Variants in C5 observed in about 807,000 individuals in gnomAD.
C5 encodes C3 and PZP-like alpha-2-macroglobulin domain-containing protein 4.
Under a neutral mutation model 218.8 loss-of-function variants are expected in C5, and 140 were observed. The ratio of observed to expected loss-of-function variants is 0.64; its 90% CI spans 0.56 to 0.74. The LOEUF (loss-of-function observed/expected upper bound fraction) is 0.74. Among genes scored for constraint, C5 ranks in the 30% least tolerant of loss-of-function variants. C5 has a pLI of 0.00. For missense variants in C5, 1,700 were observed against 1,969.6 expected, an observed-to-expected ratio of 0.86 and a Z score of 2.59; for synonymous variants, 614 against 682.3, an observed-to-expected ratio of 0.90 and a Z score of 1.56.
intron 21 of C5, among the ~76,000 whole-genome samples, chr9:120,996,658 G>A (rs540498227): frequency 2.6e-5 from 4 of 152,234 alleles, no homozygotes; most frequent in Admixed American, 6.5e-5. Flanking sequence ...CTGTCACACT[G>A]CTAGGAGGTG....
At chr9:121,056,116 GA>G in the C5 span, among the ~76,000 whole-genome samples, 1 of 152,152 alleles carries the variant, frequency 6.6e-6, no homozygotes, top group African/African-American at 2.4e-5. Context: ...TGAATTCTTG[GA>G]AAACCTTCTC....
intron 23 of C5, 94 bp downstream of exon 23, chr9:120,991,097 C>T (rs2047073611): frequency 7.3e-6 from 6 of 824,884 alleles, no homozygotes; most frequent in Admixed American, 1.8e-5. Flanking sequence ...CTACTGAACA[C>T]GGAAGTGGAG....
At position 121,002,318 on chromosome 9, in the gene C5, A is replaced by ATG. The variant is rs1267418858; in HGVS notation, c.2562+3600_2562+3601insCA. 7.3e-3 allele frequency among the ~76,000 whole-genome samples: 449 copies of ATG among 61,890 alleles called. 6 individuals carry two copies. Among genetic ancestry groups the ATG allele is most frequent in the East Asian group, 0.036 (50 of 1,370 alleles). 40.6% of individuals were successfully genotyped at this position (61,890 alleles called of 152,430 possible). ...TATATGTATATATATATGTGTGTGT[A>ATG]TATATATATATATATATATATATAC... is the stretch of plus-strand genomic sequence containing the variant. On this transcript the variant is annotated intron_variant, in intron 20 of 40. Coordinates refer to ENST00000223642, the MANE Select transcript of C5 (RefSeq NM_001735.3).
At chr9:120,980,311 T>C (rs1318812214) in intron 27 of C5, 57 bp from the exon 28 acceptor site, 1 of 1,454,922 alleles carries the variant, frequency 6.9e-7, no homozygotes, top group Admixed American at 1.7e-5. Flanking sequence ...TATCAATTGA[T>C]ATGAACTACC....
chr9:121,033,043 T>C (rs1376367946), intron 5 of C5, among the ~76,000 whole-genome samples: 6 of 151,232 alleles, frequency 4.0e-5, no homozygotes, highest in African/African-American at 1.2e-4. Flanking sequence ...TGTGTGTATG[T>C]ATGTATATAT....
intron 23 of C5, among the ~76,000 whole-genome samples, 160 bp downstream of exon 23, chr9:120,991,031 G>C (rs1192959942): frequency 3.3e-5 from 5 of 152,202 alleles, no homozygotes; most frequent in African/African-American, 9.6e-5. Context: ...GTGATTAAAG[G>C]TTTGAAAGTG....
the C5 span, among the ~76,000 whole-genome samples, chr9:121,071,759 T>C: frequency 1.3e-5 from 2 of 152,216 alleles, no homozygotes; most frequent in African/African-American, 4.8e-5. Flanking sequence ...CATCCCTGTC[T>C]GACAAACTAG....
intron 31 of C5, 42 bp from the exon 32 acceptor site, chr9:120,970,293 G>A: frequency 7.3e-7 from 1 of 1,367,578 alleles, no homozygotes; most frequent in Non-Finnish European, 1.0e-6. Flanking sequence ...TATTTAAAGT[G>A]GGAAAGTGAC....
chr9:120,969,537 A>G (rs1200389473), intron 32 of C5, among the ~76,000 whole-genome samples: 1 of 152,158 alleles, frequency 6.6e-6, no homozygotes, highest in East Asian at 1.9e-4. Context: ...CCTGGAGGCA[A>G]TGGGGAGACC....
chr9:120,967,241 CAG>C (rs2046875426), intron 33 of C5, among the ~76,000 whole-genome samples: 2 of 132,560 alleles, frequency 1.5e-5, no homozygotes, highest in Non-Finnish European at 3.1e-5. Flanking sequence ...GCCTGGGAGA[CAG>C]AGTGAAACTC....
chr9:120,971,816 GTCA>G, intron 31 of C5, 111 bp downstream of exon 31: 2 of 765,932 alleles, frequency 2.6e-6, no homozygotes, highest in Non-Finnish European at 4.6e-6. Context: ...TCCCACTTTA[GTCA>G]TGGTTACCCA....
chr9:120,991,206 T>C lies in C5; in HGVS notation c.2926A>G (p.Ile976Val), dbSNP rs770696995. ...GTTAATTTACCTTTTACACTCAAAA[T>C]CCTTTTGATTTCTGTTTTGGGGACC... ...DLVPKTEIKR[I>V]LSVKGLLVGE... The change falls in exon 23 of 41, where the codon ATT (isoleucine) becomes GTT (valine). Residue 976 changes from isoleucine to valine, a missense_variant. Coordinates refer to ENST00000223642, the MANE Select transcript of C5 (RefSeq NM_001735.3). 1.0e-5 allele frequency: 16 copies of C among 1,599,380 alleles called. No individual in the cohort carries two copies. Among genetic ancestry groups the C allele is most frequent in the Non-Finnish European group, 1.3e-5 (15 of 1,166,734 alleles).
At chr9:120,976,949 G>GA in intron 28 of C5, 44 bp from the exon 29 acceptor site, 8 of 1,516,394 alleles carry the variant, frequency 5.3e-6, no homozygotes, top group Non-Finnish European at 7.3e-6. Flanking sequence ...TTAAAAATGT[G>GA]AATTTGACAT....
At chr9:121,052,756 C>T (rs1397300050), upstream of C5, among the ~76,000 whole-genome samples, 1 of 152,162 alleles carries the variant, frequency 6.6e-6, no homozygotes. Flanking sequence ...TCCCTGAAGT[C>T]ACCTTGACAC....
At chr9:121,043,421 T>A (rs1194330618) in intron 2 of C5, among the ~76,000 whole-genome samples, 1 of 152,248 alleles carries the variant, frequency 6.6e-6, no homozygotes, top group Non-Finnish European at 1.5e-5. Flanking sequence ...ATACATTTAG[T>A]GAAACTACTA....
chr9:120,976,946 T>G (rs1341204881), intron 28 of C5, 41 bp from the exon 29 acceptor site: 1 of 1,536,318 alleles, frequency 6.5e-7, no homozygotes, highest in Non-Finnish European at 9.0e-7. Context: ...TGATTAAAAA[T>G]GTGAATTTGA....
At chr9:121,059,749 A>G in the C5 span, among the ~76,000 whole-genome samples, 2 of 152,208 alleles carry the variant, frequency 1.3e-5, no homozygotes, top group East Asian at 3.8e-4. This position sits in a 1 kb window ranked among gnomAD's most constrained non-coding sequence, Gnocchi z 4.1. Flanking sequence ...TCTCTCTTGA[A>G]CGGCCTGTTC....
chr9:121,031,793 C>T (rs758856965), intron 6 of C5, among the ~76,000 whole-genome samples: 4 of 152,088 alleles, frequency 2.6e-5, no homozygotes, highest in Non-Finnish European at 4.4e-5. Flanking sequence ...TGGCTGGGTG[C>T]GGTGGCTCAT....
Position 121,025,485 on chromosome 9 carries a change from A to C in C5, c.969T>G (p.Leu323=). Residue 323 remains leucine, a synonymous_variant, in exon 9 of 41, where the codon CTT becomes CTG. Coordinates refer to ENST00000223642, the MANE Select transcript of C5 (RefSeq NM_001735.3). ...YSLEDLNNKY[L]YIAVTVIEST... ...ACTCTATGACTGTTACAGCAATATA[A>C]AGGTACTTGTTGTTTAAATCTTCTA... is the stretch of plus-strand genomic sequence containing the variant. 1 of 1,611,608 alleles carries C rather than the reference A, an allele frequency of 6.2e-7. No homozygotes were observed. Among genetic ancestry groups the C allele is most frequent in the Non-Finnish European group, 8.5e-7 (1 of 1,179,216 alleles).
Sources: gnomAD v4.1 joint callset for allele counts (sites outside exome capture counted in the v4.1 genomes callset) on GRCh38, gnomAD v4.1.1 for gene constraint, Gnocchi (gnomAD v3.1) non-coding constraint, MANE v1.5 for transcripts, NCBI Gene and HGNC (gene_info 2026-07-23, HGNC 2026-07-21) for gene names.